The following SNX29 variants were observed in gnomAD, a reference collection of about 807,000 sequenced individuals.
SNX29 encodes the protein sorting nexin-29.
A neutral mutation model predicts 102.1 loss-of-function variants in SNX29; 78 were observed. That is an observed-to-expected ratio of 0.76 (90% CI 0.64 to 0.92). The LOEUF is 0.92. Among genes scored for constraint, SNX29 ranks in the 40% least tolerant of loss-of-function variants. The pLI is 0.00. For synonymous variants in SNX29, 580 were observed against 414.5 expected, an observed-to-expected ratio of 1.40 and a Z score of -4.85; for missense variants, 1,280 against 1,061.7, an observed-to-expected ratio of 1.21 and a Z score of -2.86.
chr16:12,523,916 C>T (rs566793357), intron 19 of SNX29, among the ~76,000 whole-genome samples: 28 of 152,198 alleles, frequency 1.8e-4, no homozygotes, highest in Non-Finnish European at 3.1e-4. Flanking sequence ...GATGGAGTTT[C>T]GCTCTTGTTG....
intron 13 of SNX29, among the ~76,000 whole-genome samples, chr16:12,161,309 C>G (rs1228361732): frequency 6.6e-6 from 1 of 152,210 alleles, no homozygotes; most frequent in East Asian, 1.9e-4. Context: ...CGAGGCGCAG[C>G]TTGGTGGACT....
At chr16:12,207,097 G>T (rs887763914) in intron 14 of SNX29, among the ~76,000 whole-genome samples, 1 of 152,116 alleles carries the variant, frequency 6.6e-6, no homozygotes, top group Non-Finnish European at 1.5e-5. Context: ...GGCCAAGCGC[G>T]GTTGCTCACG....
intron 14 of SNX29, among the ~76,000 whole-genome samples, chr16:12,209,897 C>A (rs929728530): frequency 6.6e-6 from 1 of 152,196 alleles, no homozygotes; most frequent in African/African-American, 2.4e-5. Flanking sequence ...CCATCTGACT[C>A]TGCGTGGGGC....
chr16:12,085,447 C>A (rs1049280169), intron 11 of SNX29, among the ~76,000 whole-genome samples: 8 of 152,196 alleles, frequency 5.3e-5, no homozygotes, highest in Non-Finnish European at 2.9e-5. Flanking sequence ...CTGCCTCTGC[C>A]TTCGGAGTAG....
At position 12,572,084 on chromosome 16, in the gene SNX29, AGG is replaced by A; in HGVS notation, c.*3458_*3459del. 4 of 1,063,212 alleles carry A rather than the reference AGG, an allele frequency of 3.8e-6. No homozygotes were observed. Among genetic ancestry groups the A allele is most frequent in the Non-Finnish European group, 4.6e-6 (4 of 877,802 alleles). 65.9% of individuals were successfully genotyped at this position (1,063,212 alleles called of 1,614,324 possible). A position where few individuals can be genotyped will look rare whatever the true frequency, so the allele number is the denominator to read the frequency against. On this transcript the variant is annotated 3_prime_UTR_variant, in exon 21 of 21. Coordinates refer to ENST00000566228, the MANE Select transcript of SNX29 (RefSeq NM_032167.5). ...CATCTTGCAAGATCTAGGAAGAGGA[AGG>A]GGAGGGATGTGGACTGGGTCTGATC... is the stretch of plus-strand genomic sequence containing the variant.
intron 16 of SNX29, among the ~76,000 whole-genome samples, chr16:12,363,441 C>G (rs1375846078): frequency 6.6e-6 from 1 of 152,138 alleles, no homozygotes; most frequent in Non-Finnish European, 1.5e-5. Flanking sequence ...GACTCAGGGT[C>G]AGGACTGTCT....
chr16:12,063,288 G>T (rs574494982), intron 9 of SNX29, among the ~76,000 whole-genome samples: 1 of 151,382 alleles, frequency 6.6e-6, no homozygotes, highest in Non-Finnish European at 1.5e-5. Context: ...TGACTTGGTG[G>T]GGTGCTGTCA....
intron 13 of SNX29, among the ~76,000 whole-genome samples, chr16:12,199,194 TA>T (rs1390146295): frequency 6.6e-6 from 1 of 152,220 alleles, no homozygotes; most frequent in Non-Finnish European, 1.5e-5. Context: ...TCACAGTTGA[TA>T]AAAGTATTAA....
intron 13 of SNX29, among the ~76,000 whole-genome samples, chr16:12,137,289 C>A (rs2054699159): frequency 6.6e-6 from 1 of 152,228 alleles, no homozygotes. Flanking sequence ...CTGTAGGTGG[C>A]TGGGGATGCT....
At chr16:12,448,365 A>G (rs2086156712) in intron 18 of SNX29, among the ~76,000 whole-genome samples, 1 of 152,164 alleles carries the variant, frequency 6.6e-6, no homozygotes, top group Non-Finnish European at 1.5e-5. Context: ...AGTATTGGAC[A>G]GCGTTTTTAC....
intron 1 of SNX29, among the ~76,000 whole-genome samples, chr16:11,994,165 G>A (rs2055967649): frequency 6.6e-6 from 1 of 152,132 alleles, no homozygotes; most frequent in African/African-American, 2.4e-5. Flanking sequence ...GACCCAACTA[G>A]GTGACTGACT....
chr16:12,305,234 G>C (rs1034639092), intron 15 of SNX29, among the ~76,000 whole-genome samples: 9 of 152,266 alleles, frequency 5.9e-5, no homozygotes, highest in African/African-American at 2.2e-4. Flanking sequence ...TAGCTGATGA[G>C]TGTGAGAAAG....
intron 13 of SNX29, among the ~76,000 whole-genome samples, chr16:12,187,777 G>A (rs1305442722): frequency 1.3e-5 from 2 of 152,038 alleles, no homozygotes; most frequent in Non-Finnish European, 2.9e-5. Context: ...CAAAAGGTGA[G>A]TTGTCACATT....
At chr16:12,207,174 G>C (rs1226424588) in intron 14 of SNX29, among the ~76,000 whole-genome samples, 1 of 152,014 alleles carries the variant, frequency 6.6e-6, no homozygotes, top group African/African-American at 2.4e-5. Flanking sequence ...TTCAAAACCA[G>C]CCAGACCAAC....
intron 13 of SNX29, among the ~76,000 whole-genome samples, chr16:12,164,168 A>C (rs1037308583): frequency 2.1e-4 from 32 of 152,134 alleles, no homozygotes; most frequent in African/African-American, 7.5e-4. Flanking sequence ...GGGGGAAGAC[A>C]GGGAAGGGCA....
intron 20 of SNX29, chr16:12,546,302 C>G (rs542701373): frequency 2.6e-5 from 4 of 152,236 alleles, no homozygotes; most frequent in Non-Finnish European, 5.9e-5. Context: ...AAAGACATAC[C>G]TGAGACTGTG....
At chr16:11,981,501 G>T (rs949828893) in intron 1 of SNX29, among the ~76,000 whole-genome samples, 1 of 152,078 alleles carries the variant, frequency 6.6e-6, no homozygotes, top group Admixed American at 6.6e-5. Flanking sequence ...ATTTGTTGTT[G>T]AAGGAAACAG....
At chr16:12,448,322 A>G (rs1466089870) in intron 18 of SNX29, among the ~76,000 whole-genome samples, 4 of 151,642 alleles carry the variant, frequency 2.6e-5, no homozygotes, top group Non-Finnish European at 5.9e-5. Context: ...GTCTTTGGTC[A>G]AGGATGGTGG....
intron 16 of SNX29, 110 bp from the exon 17 acceptor site, chr16:12,398,336 G>A (rs2083792318): frequency 3.3e-6 from 4 of 1,208,632 alleles, no homozygotes; most frequent in Non-Finnish European, 4.9e-6. Flanking sequence ...ACTTCATTCT[G>A]AATAGGAAAT....
Sources: allele counts gnomAD v4.1 joint callset (sites outside exome capture counted in the v4.1 genomes callset), GRCh38; gene constraint gnomAD v4.1.1; transcripts MANE v1.5; gene names NCBI Gene and HGNC (gene_info 2026-07-23, HGNC 2026-07-21).